Variants in CHSY3 observed in about 807,000 individuals in gnomAD.
CHSY3 encodes the protein N-acetylgalactosaminyl-proteoglycan 3-beta-glucuronosyltransferase 3.
A neutral mutation model predicts 67.2 loss-of-function variants in CHSY3; 35 were observed. That is an observed-to-expected ratio of 0.52 (90% CI 0.40 to 0.69). The LOEUF is 0.69. CHSY3 is among the 30% of genes least tolerant of loss of function. The pLI is 0.00. For synonymous variants in CHSY3, 474 were observed against 434.7 expected, an observed-to-expected ratio of 1.09 and a Z score of -1.12; for missense variants, 1,069 against 1,138.5, an observed-to-expected ratio of 0.94 and a Z score of 0.88.
At chr5:130,127,160 G>A (rs184363473) in intron 2 of CHSY3, among the ~76,000 whole-genome samples, 8 of 152,282 alleles carry the variant, frequency 5.3e-5, no homozygotes, top group South Asian at 2.1e-4. Context: ...CAAAAATGCC[G>A]TAACATGACT....
intron 2 of CHSY3, among the ~76,000 whole-genome samples, chr5:130,181,351 A>G (rs1490564304): frequency 6.6e-6 from 1 of 152,200 alleles, no homozygotes; most frequent in Non-Finnish European, 1.5e-5. Flanking sequence ...ATCATGATCT[A>G]TAGAAAAACT....
At chr5:130,124,578 C>T (rs1394709384) in intron 2 of CHSY3, among the ~76,000 whole-genome samples, 1 of 151,948 alleles carries the variant, frequency 6.6e-6, no homozygotes, top group Non-Finnish European at 1.5e-5. Context: ...GCTTCAGCAT[C>T]CCGAGTAGCT....
intron 2 of CHSY3, among the ~76,000 whole-genome samples, chr5:129,984,088 TTG>T (rs1763100917): frequency 6.6e-6 from 1 of 152,072 alleles, no homozygotes; most frequent in South Asian, 2.1e-4. Context: ...CATGGGTAAA[TTG>T]TGTGTTGCGG....
Position 130,075,649 on chromosome 5 carries a change from T to C in CHSY3, c.1087-108580T>C, listed in dbSNP as rs532668218. On this transcript the variant is annotated intron_variant, in intron 2 of 2. Coordinates refer to ENST00000305031, the MANE Select transcript of CHSY3 (RefSeq NM_175856.5). ...GTTAGATAAAGGTAAATCAATTTCA[T>C]ATGTATAATAAAATGCAAAAAGCAA... Among the ~76,000 whole-genome samples the C allele has an allele frequency of 5.9e-5, 9 of 152,262 alleles. No individual in the cohort carries two copies. In the South Asian group the frequency reaches 1.7e-3, roughly 28 times the overall value.
chr5:130,166,771 TA>T (rs1769760502), intron 2 of CHSY3, among the ~76,000 whole-genome samples: 1 of 152,114 alleles, frequency 6.6e-6, no homozygotes, highest in Non-Finnish European at 1.5e-5. Flanking sequence ...TAATTTATCA[TA>T]AAGCTTTAAT....
intron 2 of CHSY3, among the ~76,000 whole-genome samples, chr5:129,993,959 C>A (rs1343367874): frequency 6.6e-6 from 1 of 152,070 alleles, no homozygotes; most frequent in African/African-American, 2.4e-5. Context: ...TTTATTTCTC[C>A]TTCACTTATG....
intron 2 of CHSY3, among the ~76,000 whole-genome samples, chr5:129,944,207 C>T (rs1761780212): frequency 6.6e-6 from 1 of 152,142 alleles, no homozygotes; most frequent in Middle Eastern, 3.2e-3. Context: ...AGATAAGTGA[C>T]CCATCTGAAC....
intron 2 of CHSY3, among the ~76,000 whole-genome samples, chr5:129,952,055 C>T (rs73785823): frequency 5.5e-4 from 83 of 152,036 alleles, no homozygotes; most frequent in Middle Eastern, 3.4e-3. Flanking sequence ...TTGGTATAGG[C>T]GATAAGAACC....
intron 2 of CHSY3, among the ~76,000 whole-genome samples, chr5:129,998,736 AT>A (rs745843789): frequency 6.7e-5 from 10 of 150,248 alleles, no homozygotes; most frequent in South Asian, 4.2e-4. Context: ...AAATCTATGT[AT>A]TTTTTTTTGC....
At chr5:129,926,099 G>T (rs576698372) in intron 2 of CHSY3, among the ~76,000 whole-genome samples, 1 of 152,058 alleles carries the variant, frequency 6.6e-6, no homozygotes, top group East Asian at 1.9e-4. Flanking sequence ...TTCTGTCATT[G>T]AGAGTTTCTG....
At chr5:130,105,113 T>C (rs1309337231) in intron 2 of CHSY3, among the ~76,000 whole-genome samples, 1 of 151,568 alleles carries the variant, frequency 6.6e-6, no homozygotes, top group Non-Finnish European at 1.5e-5. Context: ...TGGTGATTAA[T>C]TGGAGGTGGA....
At chr5:129,934,745 A>G (rs1012886194) in intron 2 of CHSY3, among the ~76,000 whole-genome samples, 1 of 152,180 alleles carries the variant, frequency 6.6e-6, no homozygotes, top group Non-Finnish European at 1.5e-5. Flanking sequence ...AATAATGCTG[A>G]CATATTTTTA....
intron 2 of CHSY3, among the ~76,000 whole-genome samples, chr5:130,131,486 C>A (rs1768482694): frequency 6.6e-6 from 1 of 152,130 alleles, no homozygotes; most frequent in African/African-American, 2.4e-5. Flanking sequence ...TATTACCAAG[C>A]CCAAAGTTAA....
intron 2 of CHSY3, among the ~76,000 whole-genome samples, chr5:130,056,283 C>T (rs78859399): frequency 1.3e-5 from 2 of 150,610 alleles, no homozygotes; most frequent in South Asian, 4.2e-4. Context: ...AAAAAAAAAA[C>T]TGGGCAGTTA....
intron 2 of CHSY3, among the ~76,000 whole-genome samples, chr5:130,010,598 A>G (rs984789220): frequency 6.6e-6 from 1 of 152,196 alleles, no homozygotes; most frequent in Non-Finnish European, 1.5e-5. Flanking sequence ...AGAGCAAACA[A>G]AGCCCAAAGC....
Position 130,126,073 on chromosome 5 carries a change from T to C in CHSY3, c.1087-58156T>C, listed in dbSNP as rs376745474. Among the ~76,000 whole-genome samples, 17 of 152,312 alleles carry C rather than the reference T, an allele frequency of 1.1e-4. 1 individual carries two copies. The highest frequency in any genetic ancestry group is 6.5e-4 in the Admixed American group (10 of 15,298). On this transcript the variant is annotated intron_variant, in intron 2 of 2. Coordinates refer to ENST00000305031, the MANE Select transcript of CHSY3 (RefSeq NM_175856.5). ...TTTTATATACTTTTTTATTGCTCCT[T>C]GATGAATGCTATTCTAATTAATAAT... is the stretch of plus-strand genomic sequence containing the variant.
At chr5:130,056,836 C>G (rs1765544836) in intron 2 of CHSY3, among the ~76,000 whole-genome samples, 1 of 151,274 alleles carries the variant, frequency 6.6e-6, no homozygotes, top group South Asian at 2.1e-4. Context: ...TTAAGAGGAC[C>G]ATGTGAGTCA....
intron 2 of CHSY3, among the ~76,000 whole-genome samples, chr5:130,035,290 C>A (rs1764832630): frequency 6.6e-6 from 1 of 151,924 alleles, no homozygotes; most frequent in African/African-American, 2.4e-5. Context: ...TAATTTAGAA[C>A]CCATGGGATT....
chr5:130,073,515 C>T (rs890684836), intron 2 of CHSY3, among the ~76,000 whole-genome samples: 6 of 151,546 alleles, frequency 4.0e-5, no homozygotes, highest in East Asian at 2.0e-4. Context: ...CTTGAACACC[C>T]GCCCCAGCTG....
Sources: gnomAD v4.1 joint callset for allele counts (sites outside exome capture counted in the v4.1 genomes callset) on GRCh38, gnomAD v4.1.1 for gene constraint, MANE v1.5 for transcripts, NCBI Gene and HGNC (gene_info 2026-07-23, HGNC 2026-07-21) for gene names.